SRBD1: variants seen among roughly 807,000 people sequenced by gnomAD.
The protein encoded by SRBD1 is S1 RNA-binding domain-containing protein 1.
A neutral mutation model predicts 115.3 loss-of-function variants in SRBD1; 88 were observed. The ratio of observed to expected loss-of-function variants is 0.76; its 90% confidence interval spans 0.64 to 0.91. The LOEUF is 0.91. SRBD1 is among the 40% of genes least tolerant of loss of function. The probability of loss-of-function intolerance (pLI) is 0.00; values close to 1 mark genes in which losing one functional copy is unlikely to be tolerated. For synonymous variants in SRBD1, 509 were observed against 407.7 expected, an observed-to-expected ratio of 1.25 and a Z score of -2.99; for missense variants, 1,385 against 1,177.4, an observed-to-expected ratio of 1.18 and a Z score of -2.58.
At position 45,522,741 on chromosome 2, in the gene SRBD1, A is replaced by G. The variant is rs1268214636; in HGVS notation, c.1874+23991T>C. 2.6e-5 allele frequency among the ~76,000 whole-genome samples: 4 copies of G among 152,206 alleles called. No individual in the cohort carries two copies. The East Asian group carries it at 7.7e-4, about 29-fold the overall frequency. ...TATGATGATCCACTTCCACTCAATC[A>G]ATAATAAGTATATTTTCTCTTTCTT... On this transcript the variant is annotated intron_variant, in intron 14 of 20. Coordinates refer to ENST00000263736, the MANE Select transcript of SRBD1 (RefSeq NM_018079.5).
intron 16 of SRBD1, among the ~76,000 whole-genome samples, chr2:45,429,077 C>T (rs1381219242): frequency 6.6e-6 from 1 of 151,360 alleles, no homozygotes; most frequent in East Asian, 2.0e-4. Flanking sequence ...GACACATATA[C>T]CCACCCAAGA....
intron 9 of SRBD1, among the ~76,000 whole-genome samples, chr2:45,571,921 A>T (rs1215094174): frequency 6.6e-6 from 1 of 152,100 alleles, no homozygotes; most frequent in Non-Finnish European, 1.5e-5. Context: ...TCTACATATA[A>T]TGGGAGACCC....
At chr2:45,490,209 A>C (rs1446945203) in intron 14 of SRBD1, among the ~76,000 whole-genome samples, 2 of 152,164 alleles carry the variant, frequency 1.3e-5, no homozygotes, top group Non-Finnish European at 2.9e-5. Context: ...GTGATGTTAA[A>C]ACTAAATTAA....
In SRBD1 at chr2:45,435,041, C is replaced by A. The variant is rs138160239; in HGVS notation, c.2050-15147G>T. ...TGCAGTGTTTGGTTTTCTGTCCTTG[C>A]GATAGGTTTGCTCAGAATGATGGTT... On this transcript the variant is annotated intron_variant, in intron 16 of 20. Coordinates refer to ENST00000263736, the MANE Select transcript of SRBD1 (RefSeq NM_018079.5). 2.0e-5 allele frequency among the ~76,000 whole-genome samples: 3 copies of A among 151,874 alleles called. 1 individual carries two copies. Among genetic ancestry groups the A allele is most frequent in the Non-Finnish European group, 4.4e-5 (3 of 67,984 alleles).
At chr2:45,558,692 T>C (rs1012226184) in intron 10 of SRBD1, among the ~76,000 whole-genome samples, 1 of 143,964 alleles carries the variant, frequency 6.9e-6, no homozygotes, top group African/African-American at 2.6e-5. Context: ...ATTATTTTTT[T>C]TTTTTTTTTT....
chr2:45,491,802 G>C (rs1449703144), intron 14 of SRBD1, among the ~76,000 whole-genome samples: 1 of 152,108 alleles, frequency 6.6e-6, no homozygotes, highest in Non-Finnish European at 1.5e-5. Context: ...ACCCTATTGA[G>C]TTAAAAATGC....
rs372380573 is a variant in SRBD1, at chr2:45,468,730, G to T, written c.2049+8263C>A. Reference sequence around the variant, plus strand: ...CATGTCTTCTTAGGTTCATTTTAGAGAATTTTTCTAGGCTATATACATTCT... The same window carrying T: ...CATGTCTTCTTAGGTTCATTTTAGATAATTTTTCTAGGCTATATACATTCT... On this transcript the variant is annotated intron_variant, in intron 16 of 20. Coordinates refer to ENST00000263736, the MANE Select transcript of SRBD1 (RefSeq NM_018079.5). 5.3e-5 allele frequency among the ~76,000 whole-genome samples: 8 copies of T among 152,232 alleles called. 1 individual carries two copies. Among genetic ancestry groups the T allele is most frequent in the African/African-American group, 7.2e-5 (3 of 41,550 alleles).
chr2:45,414,788 AGT>A (rs1234658964), intron 18 of SRBD1, among the ~76,000 whole-genome samples: 13 of 77,086 alleles, frequency 1.7e-4, no homozygotes, highest in Non-Finnish European at 4.3e-4. Flanking sequence ...ACACACACAT[AGT>A]GTGTATATAG....
intron 18 of SRBD1, among the ~76,000 whole-genome samples, chr2:45,414,785 C>CAT (rs750524271): frequency 1.8e-5 from 1 of 56,348 alleles, no homozygotes; most frequent in African/African-American, 6.7e-5. Context: ...TACACACACA[C>CAT]ATAGTGTGTA....
chr2:45,448,223 G>C (rs1008954054), intron 16 of SRBD1: 1 of 152,098 alleles, frequency 6.6e-6, no homozygotes, highest in South Asian at 2.1e-4. Context: ...ACTATTAACA[G>C]ATTCTTAATC....
Position 45,605,363 on chromosome 2 carries a change from A to T in SRBD1, c.79T>A (p.Leu27Ile). ...LKDEFSSFSE[L>I]SSASEEDDKE... is the part of the protein sequence containing the mutation. ...CACATATTAAACCAGTATGCTTACAACTCAGAGAATGAAGAAAATTCATCT... is the reference window on the plus strand; with the variant it reads ...CACATATTAAACCAGTATGCTTACATCTCAGAGAATGAAGAAAATTCATCT... Residue 27 changes from leucine (L) to isoleucine (I), a missense_variant and splice_region_variant, in exon 2 of 21, where the codon TTA (leucine) becomes ATA (isoleucine). Physicochemically the swap from Leu to Ile is conservative, Grantham distance 5. Transcript: ENST00000263736. 2 of 1,613,010 alleles carry T rather than the reference A, an allele frequency of 1.2e-6. No homozygotes were observed. The highest frequency in any genetic ancestry group is 1.7e-6 in the Non-Finnish European group (2 of 1,179,668).
At chr2:45,546,424 C>T in intron 14 of SRBD1, 1 of 844,918 alleles carries the variant, frequency 1.2e-6, no homozygotes, top group Non-Finnish European at 1.4e-6. Flanking sequence ...CATCATTCTA[C>T]TTATTATTCA....
In SRBD1 at chr2:45,546,243, T is replaced by C. The variant is rs964253082; in HGVS notation, c.1874+489A>G. ...TTCACAAGTTATCTGTATGCCTATA[T>C]GAAATAAAAGTTTGTGACCAAGGGA... is the stretch of plus-strand genomic sequence containing the variant. On this transcript the variant is annotated intron_variant, in intron 14 of 20. Transcript: ENST00000263736. The C allele has an allele frequency of 5.1e-5, 50 of 985,414 alleles. No individual in the cohort carries two copies. In the Middle Eastern group the frequency reaches 1.6e-3, roughly 31 times the overall value. 61.0% of individuals were successfully genotyped at this position (985,414 alleles called of 1,614,324 possible).
intron 16 of SRBD1, among the ~76,000 whole-genome samples, chr2:45,422,995 G>A (rs1488129421): frequency 6.6e-6 from 1 of 152,100 alleles, no homozygotes; most frequent in Non-Finnish European, 1.5e-5. Flanking sequence ...AGAAAATGTT[G>A]ACTCCAATCA....
intron 14 of SRBD1, among the ~76,000 whole-genome samples, chr2:45,518,143 T>C (rs1228050837): frequency 6.6e-6 from 1 of 151,958 alleles, no homozygotes; most frequent in Non-Finnish European, 1.5e-5. Flanking sequence ...TTAACTGAAA[T>C]ACAATAATAT....
At chr2:45,402,995 C>G (rs1411263829) in intron 19 of SRBD1, among the ~76,000 whole-genome samples, 1 of 152,144 alleles carries the variant, frequency 6.6e-6, no homozygotes, top group Non-Finnish European at 1.5e-5. Flanking sequence ...AGCAATTTTA[C>G]TTATGGTTTA....
At position 45,562,809 on chromosome 2, in the gene SRBD1, A is replaced by T. The variant is rs1311982148; in HGVS notation, c.1306-53T>A. ...ATAATCCACAAAATATATGAAACAAATCAGGCGACTATGTAGCTGACAGCT... is the reference window on the plus strand; with the variant it reads ...ATAATCCACAAAATATATGAAACAATTCAGGCGACTATGTAGCTGACAGCT... On this transcript the variant is annotated intron_variant, in intron 9 of 20. Coordinates refer to ENST00000263736, the MANE Select transcript of SRBD1 (RefSeq NM_018079.5). 2.5e-6 allele frequency: 3 copies of T among 1,213,332 alleles called. No individual in the cohort carries two copies. The African/African-American group carries it at 4.6e-5, about 19-fold the overall frequency. 75.2% of individuals were successfully genotyped at this position (1,213,332 alleles called of 1,614,324 possible). A position where few individuals can be genotyped will look rare whatever the true frequency, so the allele number is the denominator to read the frequency against.
At chr2:45,589,407 C>T (rs1673643800) in intron 4 of SRBD1, among the ~76,000 whole-genome samples, 1 of 152,112 alleles carries the variant, frequency 6.6e-6, no homozygotes, top group Non-Finnish European at 1.5e-5. Flanking sequence ...CCAAGGGAGG[C>T]CTGCTGAAGG....
At chr2:45,472,496 G>T (rs1277614400) in intron 16 of SRBD1, among the ~76,000 whole-genome samples, 1 of 152,138 alleles carries the variant, frequency 6.6e-6, no homozygotes, top group Non-Finnish European at 1.5e-5. Flanking sequence ...AAGAGATGGG[G>T]GGGTCTCACT....
Sources: gnomAD v4.1 joint callset for allele counts (sites outside exome capture counted in the v4.1 genomes callset) on GRCh38, gnomAD v4.1.1 for gene constraint, MANE v1.5 for transcripts, NCBI Gene and HGNC (gene_info 2026-07-23, HGNC 2026-07-21) for gene names.